TCF15: variants seen among roughly 807,000 people sequenced by gnomAD.
TCF15 encodes transcription factor 15.
TCF15 carries 7 observed loss-of-function variants against 11.1 expected under a neutral mutation model. The ratio of observed to expected loss-of-function variants is 0.63; its 90% CI spans 0.36 to 1.19. TCF15 has a LOEUF of 1.19. Among genes scored for constraint, TCF15 ranks in the 50% most tolerant of loss-of-function variants. TCF15 has a pLI of 0.02. For missense variants in TCF15, 288 were observed against 289.4 expected (o/e 1.00, Z 0.03); for synonymous variants, 144 against 138.9 (o/e 1.04, Z -0.26).
chr20:609,600 G>A lies in TCF15; in HGVS notation c.525+113C>T. On this transcript the variant is annotated intron_variant, in intron 1 of 1. Transcript: ENST00000246080. The surrounding 1 kb of genome is among the most constrained non-coding windows in gnomAD (Gnocchi z 4.7). ...GTGCCGCACCCAGCACGAATTCCAC[G>A]TCGCTTCCCCCTGGCCTCGTTGGGG... is the stretch of plus-strand genomic sequence containing the variant. The A allele has an allele frequency of 1.6e-6, 2 of 1,220,752 alleles. No individual in the cohort carries two copies. Among genetic ancestry groups the A allele is most frequent in the Non-Finnish European group, 2.1e-6 (2 of 964,274 alleles). 75.6% of individuals were successfully genotyped at this position (1,220,752 alleles called of 1,614,324 possible).
intron 1 of TCF15, among the ~76,000 whole-genome samples, chr20:607,913 G>A (rs1405650933): frequency 1.3e-5 from 2 of 152,178 alleles, no homozygotes; most frequent in Non-Finnish European, 2.9e-5. Flanking sequence ...CATAAAGAGC[G>A]CTTAGCACAG....
rs1433810536 is a variant in TCF15, at chr20:610,265, C to T, written c.-28G>A. 21 of 988,966 alleles carry T rather than the reference C, an allele frequency of 2.1e-5. No individual in the cohort carries two copies. The highest frequency in any genetic ancestry group is 4.8e-6 in the Non-Finnish European group (4 of 833,376). The allele number at this position is 988,966 out of a possible 1,614,324, so 61.3% of individuals were successfully genotyped here. On this transcript the variant is annotated 5_prime_UTR_variant, in exon 1 of 2. Coordinates refer to ENST00000246080, the MANE Select transcript of TCF15 (RefSeq NM_004609.4). ...GCGCCGGCCGCGTCCCTCCGTGCGC[C>T]GCGTCCCAGCGTCGGCCGCGCCCCG...
At position 604,669 on chromosome 20, in the gene TCF15, C is replaced by A; in HGVS notation, c.526-4G>T. The A allele has an allele frequency of 6.4e-7, 1 of 1,550,482 alleles. No homozygotes were observed. Among genetic ancestry groups the A allele is most frequent in the Non-Finnish European group, 8.7e-7 (1 of 1,146,552 alleles). On this transcript the variant is annotated splice_region_variant and splice_polypyrimidine_tract_variant and intron_variant, in intron 1 of 1. Coordinates refer to ENST00000246080, the MANE Select transcript of TCF15 (RefSeq NM_004609.4). The surrounding 1 kb of genome is among the most constrained non-coding windows in gnomAD (Gnocchi z 4.2). ...CCCCCAGGTCACGACGGCCACCCTG[C>A]AGAGGGGGAGAAAGAGTATAAAGAG...
Position 609,818 on chromosome 20 carries a change from G to A in TCF15, c.420C>T (p.Cys140=), listed in dbSNP as rs765897119. 4.0e-5 allele frequency: 60 copies of A among 1,508,926 alleles called. No individual in the cohort carries two copies. Among genetic ancestry groups the A allele is most frequent in the Non-Finnish European group, 4.5e-5 (51 of 1,140,120 alleles). The allele number at this position is 1,508,926 out of a possible 1,614,324, so 93.5% of individuals were successfully genotyped here. The change falls in exon 1 of 2, where the codon TGC becomes TGT. Residue 140 remains cysteine, a synonymous_variant. Coordinates refer to ENST00000246080, the MANE Select transcript of TCF15 (RefSeq NM_004609.4). The surrounding 1 kb of genome is among the most constrained non-coding windows in gnomAD (Gnocchi z 4.7). ...LGDSADDGQP[C]FRAAGSAKGA... is the part of the protein sequence containing the mutation. Reference sequence around the variant, plus strand: ...CCTTGGCACTGCCCGCGGCACGGAAGCACGGCTGCCCGTCGTCGGCCGAGT... The same window carrying A: ...CCTTGGCACTGCCCGCGGCACGGAAACACGGCTGCCCGTCGTCGGCCGAGT...
chr20:606,979 A>G (rs1228349948), intron 1 of TCF15, among the ~76,000 whole-genome samples: 1 of 152,214 alleles, frequency 6.6e-6, no homozygotes, highest in Non-Finnish European at 1.5e-5. Context: ...ACTGGACCTC[A>G]GGCAAGTGAT....
chr20:604,415 A>G lies in TCF15; in HGVS notation c.*176T>C. ...AGCCAGAGCTGGGCAGGCTGAATGG[A>G]TCCTCACAGCTCTCCAGGATCGGGT... On this transcript the variant is annotated 3_prime_UTR_variant, in exon 2 of 2. Transcript: ENST00000246080. This position sits in a 1 kb window ranked among gnomAD's most constrained non-coding sequence, Gnocchi z 4.2. 1 of 644,470 alleles carries G rather than the reference A, an allele frequency of 1.6e-6. No individual in the cohort carries two copies. Among genetic ancestry groups the G allele is most frequent in the Non-Finnish European group, 2.8e-6 (1 of 361,296 alleles). 39.9% of individuals were successfully genotyped at this position (644,470 alleles called of 1,614,324 possible).
chr20:609,775 C>T lies in TCF15; in HGVS notation c.463G>A (p.Ala155Thr), dbSNP rs1354210845. The change falls in exon 1 of 2, where the codon GCC becomes ACC. Residue 155 changes from alanine to threonine, a missense_variant. Ala to Thr is a moderately conservative substitution (Grantham distance 58). Coordinates refer to ENST00000246080, the MANE Select transcript of TCF15 (RefSeq NM_004609.4). The surrounding 1 kb of genome is among the most constrained non-coding windows in gnomAD (Gnocchi z 4.7). The stretch of plus-strand genomic sequence containing the variant: ...GAGCGCGGCTGGCGGCCGCCGTCGG[C>T]GGCGGCGGGGACGGCGCCCTTGGCA... ...GSAKGAVPAA[A>T]DGGRQPRSIC... The T allele has an allele frequency of 2.8e-6, 4 of 1,411,942 alleles. No homozygotes were observed. In the African/African-American group the frequency reaches 4.5e-5, roughly 16 times the overall value. 87.5% of individuals were successfully genotyped at this position (1,411,942 alleles called of 1,614,324 possible). A position where few individuals can be genotyped will look rare whatever the true frequency, so the allele number is the denominator to read the frequency against.
At position 609,772 on chromosome 20, in the gene TCF15, C is replaced by A; in HGVS notation, c.466G>T (p.Asp156Tyr). 1.4e-6 allele frequency: 2 copies of A among 1,408,458 alleles called. No homozygotes were observed. The highest frequency in any genetic ancestry group is 9.1e-7 in the Non-Finnish European group (1 of 1,094,096). 87.2% of individuals were successfully genotyped at this position (1,408,458 alleles called of 1,614,324 possible). ...SAKGAVPAAA[D>Y]GGRQPRSICT... ...ATGGAGCGCGGCTGGCGGCCGCCGT[C>A]GGCGGCGGCGGGGACGGCGCCCTTG... The change falls in exon 1 of 2, where the codon GAC (aspartate) becomes TAC (tyrosine). Residue 156 changes from aspartate (D) to tyrosine (Y), a missense_variant. By Grantham distance (160) the Asp-to-Tyr change is radical. Coordinates refer to ENST00000246080, the MANE Select transcript of TCF15 (RefSeq NM_004609.4). This position sits in a 1 kb window ranked among gnomAD's most constrained non-coding sequence, Gnocchi z 4.7.
At chr20:607,263 C>T (rs2019983208) in intron 1 of TCF15, among the ~76,000 whole-genome samples, 1 of 152,210 alleles carries the variant, frequency 6.6e-6, no homozygotes, top group Admixed American at 6.5e-5. Flanking sequence ...ACAAGAACCC[C>T]CTTTCCACCT....
chr20:610,202 G>C lies in TCF15; in HGVS notation c.36C>G (p.His12Gln). Reference sequence around the variant, plus strand: ...GCAGCCGCACGTCCGGGTACAGCACGTGCGCGCCGACGGGCCGCAGCAGCG... The same window carrying C: ...GCAGCCGCACGTCCGGGTACAGCACCTGCGCGCCGACGGGCCGCAGCAGCG... ...AFALLRPVGA[H>Q]VLYPDVRLLS... Residue 12 changes from histidine to glutamine, a missense_variant, in exon 1 of 2, where the codon CAC (histidine) becomes CAG (glutamine). Physicochemically the swap from His to Gln is conservative, Grantham distance 24. Transcript: ENST00000246080. 1 of 1,033,136 alleles carries C rather than the reference G, an allele frequency of 9.7e-7. No homozygotes were observed. Among genetic ancestry groups the C allele is most frequent in the South Asian group, 3.2e-5 (1 of 31,058 alleles). 64.0% of individuals were successfully genotyped at this position (1,033,136 alleles called of 1,614,324 possible).
chr20:609,897 ACG>A lies in TCF15; in HGVS notation c.339_340del (p.Val114AlafsTer66). Reference sequence around the variant, plus strand: ...CGCGATGTAGCTGGACGCCAGGCGCACGGTCTCGATCTTGGACAGCTTGCGGT... The same window carrying A: ...CGCGATGTAGCTGGACGCCAGGCGCAGTCTCGATCTTGGACAGCTTGCGGT... On this transcript the variant is annotated frameshift_variant, in exon 1 of 2. Coordinates refer to ENST00000246080, the MANE Select transcript of TCF15 (RefSeq NM_004609.4). LOFTEE classifies it high-confidence loss of function. This position sits in a 1 kb window ranked among gnomAD's most constrained non-coding sequence, Gnocchi z 4.7. 1 of 1,529,576 alleles carries A rather than the reference ACG, an allele frequency of 6.5e-7. No homozygotes were observed. Among genetic ancestry groups the A allele is most frequent in the African/African-American group, 1.4e-5 (1 of 70,026 alleles). 94.8% of individuals were successfully genotyped at this position (1,529,576 alleles called of 1,614,324 possible).
Position 609,373 on chromosome 20 carries a change from C to T in TCF15, c.525+340G>A, listed in dbSNP as rs1317759204. On this transcript the variant is annotated intron_variant, in intron 1 of 1. Transcript: ENST00000246080. The surrounding 1 kb of genome is among the most constrained non-coding windows in gnomAD (Gnocchi z 4.7). ...GCAAAAAAGTGGATGTGGAGCGCAT[C>T]GGCACAGAGGAAGACTCCATAAAAG... Among the ~76,000 whole-genome samples, 1 of 152,208 alleles carries T rather than the reference C, an allele frequency of 6.6e-6. No individual in the cohort carries two copies. Among genetic ancestry groups the T allele is most frequent in the African/African-American group, 2.4e-5 (1 of 41,460 alleles).
chr20:609,602 C>A lies in TCF15; in HGVS notation c.525+111G>T. ...GCCGCACCCAGCACGAATTCCACGT[C>A]GCTTCCCCCTGGCCTCGTTGGGGAC... is the stretch of plus-strand genomic sequence containing the variant. On this transcript the variant is annotated intron_variant, in intron 1 of 1. Transcript: ENST00000246080. The surrounding 1 kb of genome is among the most constrained non-coding windows in gnomAD (Gnocchi z 4.7). 1.6e-6 allele frequency: 2 copies of A among 1,226,220 alleles called. No individual in the cohort carries two copies. The highest frequency in any genetic ancestry group is 2.1e-6 in the Non-Finnish European group (2 of 968,658). The allele number at this position is 1,226,220 out of a possible 1,614,324, so 76.0% of individuals were successfully genotyped here.
chr20:607,849 T>A (rs890479765), intron 1 of TCF15, among the ~76,000 whole-genome samples: 2 of 152,232 alleles, frequency 1.3e-5, no homozygotes, highest in African/African-American at 4.8e-5. Flanking sequence ...TCTAAGCAAG[T>A]GGGGATAACC....
At position 604,311 on chromosome 20, in the gene TCF15, T is replaced by G. The variant is rs1392190593; in HGVS notation, c.*280A>C. 3.7e-6 allele frequency: 2 copies of G among 534,594 alleles called. No homozygotes were observed. The highest frequency in any genetic ancestry group is 3.4e-5 in the Admixed American group (1 of 29,448). The allele number at this position is 534,594 out of a possible 1,614,324, so 33.1% of individuals were successfully genotyped here. On this transcript the variant is annotated 3_prime_UTR_variant, in exon 2 of 2. Coordinates refer to ENST00000246080, the MANE Select transcript of TCF15 (RefSeq NM_004609.4). The surrounding 1 kb of genome is among the most constrained non-coding windows in gnomAD (Gnocchi z 4.2). Reference sequence around the variant, plus strand: ...CTCACCAATTCTCTCTCACACACACTCACACTCACGCACAGATACACACAC... The same window carrying G: ...CTCACCAATTCTCTCTCACACACACGCACACTCACGCACAGATACACACAC...
rs939575798 is a variant in TCF15 at position 605,856 on chromosome 20, G to A, written c.526-1191C>T. 2.6e-5 allele frequency among the ~76,000 whole-genome samples: 4 copies of A among 152,350 alleles called. No homozygotes were observed. In the East Asian group the frequency reaches 7.7e-4, roughly 29 times the overall value. ...CCAGCCACTGAATGACTGGCCCAGA[G>A]GCACCCAGCCAGTTGTAAAAGAGCT... is the stretch of plus-strand genomic sequence containing the variant. On this transcript the variant is annotated intron_variant, in intron 1 of 1. Coordinates refer to ENST00000246080, the MANE Select transcript of TCF15 (RefSeq NM_004609.4).
At chr20:607,413 CG>C (rs1032058541) in intron 1 of TCF15, among the ~76,000 whole-genome samples, 4 of 152,182 alleles carry the variant, frequency 2.6e-5, no homozygotes, top group African/African-American at 9.7e-5. Context: ...GGTAAAGGAA[CG>C]GGGTCTTGGG....
Position 609,598 on chromosome 20 carries a change from A to T in TCF15, c.525+115T>A. On this transcript the variant is annotated intron_variant, in intron 1 of 1. Transcript: ENST00000246080. The surrounding 1 kb of genome is among the most constrained non-coding windows in gnomAD (Gnocchi z 4.7). ...GGGTGCCGCACCCAGCACGAATTCC[A>T]CGTCGCTTCCCCCTGGCCTCGTTGG... The T allele has an allele frequency of 8.2e-7, 1 of 1,213,256 alleles. No homozygotes were observed. Among genetic ancestry groups the T allele is most frequent in the Middle Eastern group, 3.1e-4 (1 of 3,272 alleles). 75.2% of individuals were successfully genotyped at this position (1,213,256 alleles called of 1,614,324 possible). A position where few individuals can be genotyped will look rare whatever the true frequency, so the allele number is the denominator to read the frequency against.
Position 609,667 on chromosome 20 carries a change from G to A in TCF15, c.525+46C>T, listed in dbSNP as rs774332287. ...GGTTCCCGCAGAGGCGCTGCCCCCC[G>A]CCTACCCCGACCTGGCGGCCGCAGC... is the stretch of plus-strand genomic sequence containing the variant. On this transcript the variant is annotated intron_variant, in intron 1 of 1. Coordinates refer to ENST00000246080, the MANE Select transcript of TCF15 (RefSeq NM_004609.4). This position sits in a 1 kb window ranked among gnomAD's most constrained non-coding sequence, Gnocchi z 4.7. 29 of 1,328,518 alleles carry A rather than the reference G, an allele frequency of 2.2e-5. No homozygotes were observed. In the African/African-American group the frequency reaches 4.0e-4, roughly 18 times the overall value. 82.3% of individuals were successfully genotyped at this position (1,328,518 alleles called of 1,614,324 possible). A position where few individuals can be genotyped will look rare whatever the true frequency, so the allele number is the denominator to read the frequency against.
Sources: gnomAD v4.1 joint callset for allele counts (sites outside exome capture counted in the v4.1 genomes callset) on GRCh38, gnomAD v4.1.1 for gene constraint, Gnocchi (gnomAD v3.1) non-coding constraint, MANE v1.5 for transcripts, NCBI Gene and HGNC (gene_info 2026-07-23, HGNC 2026-07-21) for gene names.